The following SCCPDH variants were observed in gnomAD, a reference collection of about 807,000 sequenced individuals.
SCCPDH encodes the protein saccharopine dehydrogenase (putative).
Under a neutral mutation model 51.5 loss-of-function variants are expected in SCCPDH, and 34 were observed. That is an observed-to-expected ratio of 0.66 (90% CI 0.50 to 0.88). The LOEUF (loss-of-function observed/expected upper bound fraction) is 0.88. Among genes scored for constraint, SCCPDH ranks in the 40% least tolerant of loss-of-function variants. The pLI, the probability that SCCPDH is intolerant of heterozygous loss-of-function variation, is 0.00. For synonymous variants in SCCPDH, 187 were observed against 191.3 expected, an observed-to-expected ratio of 0.98 and a Z score of 0.19; for missense variants, 464 against 527.1, an observed-to-expected ratio of 0.88 and a Z score of 1.17.
intron 2 of SCCPDH, among the ~76,000 whole-genome samples, chr1:246,728,569 T>C (rs566480180): frequency 6.6e-6 from 1 of 152,358 alleles, no homozygotes; most frequent in South Asian, 2.1e-4. Context: ...GCAGCTCTGC[T>C]CTATTTCCCT....
chr1:246,761,572 C>T (rs756432752), intron 9 of SCCPDH, among the ~76,000 whole-genome samples: 1 of 152,174 alleles, frequency 6.6e-6, no homozygotes, highest in African/African-American at 2.4e-5. Context: ...CGCCCTCCCC[C>T]AGCCCCGGCA....
At chr1:246,746,515 C>G (rs896738384) in intron 5 of SCCPDH, among the ~76,000 whole-genome samples, 3 of 152,124 alleles carry the variant, frequency 2.0e-5, no homozygotes, top group Non-Finnish European at 4.4e-5. Flanking sequence ...GGGCATAAGA[C>G]AATATTAGGG....
chr1:246,736,155 G>A (rs989942695), intron 3 of SCCPDH, 100 bp downstream of exon 3: 13 of 728,108 alleles, frequency 1.8e-5, no homozygotes, highest in East Asian at 2.7e-5. Context: ...TTTAGAAGCC[G>A]ACAACTCCTT....
At chr1:246,764,146 T>C (rs1318416958) in intron 9 of SCCPDH, 100 bp from the exon 10 acceptor site, 12 of 674,994 alleles carry the variant, frequency 1.8e-5, no homozygotes, top group Non-Finnish European at 5.2e-6. Flanking sequence ...TGTTTTCATC[T>C]ATTGACAATG....
intron 5 of SCCPDH, among the ~76,000 whole-genome samples, chr1:246,746,185 A>G (rs996233370): frequency 5.3e-5 from 8 of 151,864 alleles, no homozygotes; most frequent in Non-Finnish European, 1.2e-4. Flanking sequence ...ATCTCCAACA[A>G]CTGAGCTCCC....
chr1:246,737,318 G>C (rs796515993), intron 3 of SCCPDH, among the ~76,000 whole-genome samples: 65 of 151,424 alleles, frequency 4.3e-4, no homozygotes, highest in African/African-American at 1.5e-3. Context: ...GACTTGAGCT[G>C]GTGAGTTAAC....
intron 5 of SCCPDH, among the ~76,000 whole-genome samples, chr1:246,752,989 G>A (rs910173117): frequency 6.7e-5 from 10 of 149,578 alleles, no homozygotes; most frequent in Non-Finnish European, 1.3e-4. Context: ...CTCTCTCTCC[G>A]CCTCTCTGTC....
intron 4 of SCCPDH, among the ~76,000 whole-genome samples, chr1:246,741,200 T>C (rs1484120730): frequency 6.6e-6 from 1 of 152,094 alleles, no homozygotes. Flanking sequence ...CCAGCATATA[T>C]TAAAAAGTTA....
At chr1:246,759,740 A>G (rs1037971845) in intron 7 of SCCPDH, among the ~76,000 whole-genome samples, 2 of 152,218 alleles carry the variant, frequency 1.3e-5, no homozygotes, top group African/African-American at 4.8e-5. Flanking sequence ...AAAGTAGACT[A>G]TCATACTTCC....
chr1:246,750,594 G>C (rs1460430794), intron 5 of SCCPDH, among the ~76,000 whole-genome samples: 2 of 152,122 alleles, frequency 1.3e-5, no homozygotes, highest in African/African-American at 2.4e-5. Context: ...TCCAGTACCT[G>C]GGCTAATTTC....
chr1:246,748,541 T>A (rs139440434), intron 5 of SCCPDH, among the ~76,000 whole-genome samples: 202 of 152,338 alleles, frequency 1.3e-3, no homozygotes, highest in African/African-American at 4.4e-3. Flanking sequence ...CCAATTGTTC[T>A]GCTATCCCTT....
rs201575646 is a variant in SCCPDH at position 246,756,705 on chromosome 1, CAG to C, written c.565-1519_565-1518del. Among the ~76,000 whole-genome samples the C allele has an allele frequency of 8.9e-3, 1,361 of 152,196 alleles. 10 individuals carry two copies. The highest frequency in any genetic ancestry group is 0.027 in the Middle Eastern group (8 of 294). ...TAGTTCTGTTGTAGTTTTAATAAAA[CAG>C]AAGAAATAAATCTGTACCAGAATGA... On this transcript the variant is annotated intron_variant, in intron 5 of 11. Coordinates refer to ENST00000366510, the MANE Select transcript of SCCPDH (RefSeq NM_016002.3).
chr1:246,756,652 T>C (rs1462612076), intron 5 of SCCPDH, among the ~76,000 whole-genome samples: 4 of 152,194 alleles, frequency 2.6e-5, no homozygotes, highest in Non-Finnish European at 4.4e-5. Context: ...TCAGATTGAG[T>C]AGATAACAAA....
chr1:246,758,753 T>C (rs1356648366), intron 6 of SCCPDH, among the ~76,000 whole-genome samples: 1 of 152,220 alleles, frequency 6.6e-6, no homozygotes, highest in East Asian at 1.9e-4. Context: ...TTTAGTTTTA[T>C]ACTGCAGGAC....
At chr1:246,764,538 A>T (rs746943104) in intron 10 of SCCPDH, among the ~76,000 whole-genome samples, 181 bp downstream of exon 10, 3 of 152,254 alleles carry the variant, frequency 2.0e-5, no homozygotes, top group Non-Finnish European at 4.4e-5. Flanking sequence ...ATCCAATTTT[A>T]TTAGTGCATC....
Position 246,766,097 on chromosome 1 carries a change from C to T in SCCPDH, c.1142C>T (p.Ala381Val), listed in dbSNP as rs748948934. ...YVATPIAMVQ[A>V]AMTLLSDASH... ...GCTACCCCCATAGCTATGGTTCAGG[C>T]AGCCATGACTCTTCTAAGTGATGCT... The change falls in exon 11 of 12, where the codon GCA becomes GTA. Residue 381 changes from alanine to valine, a missense_variant. Ala to Val is a moderately conservative substitution (Grantham distance 64). Coordinates refer to ENST00000366510, the MANE Select transcript of SCCPDH (RefSeq NM_016002.3). 7.4e-6 allele frequency: 12 copies of T among 1,613,424 alleles called. No homozygotes were observed. Among genetic ancestry groups the T allele is most frequent in the Admixed American group, 1.7e-5 (1 of 59,920 alleles).
chr1:246,726,850 C>T (rs749658090), intron 1 of SCCPDH, 42 bp from the exon 2 acceptor site: 5 of 1,361,022 alleles, frequency 3.7e-6, no homozygotes, highest in South Asian at 2.4e-5. Flanking sequence ...AGATATAATC[C>T]TCTACTGGGA....
At chr1:246,742,136 G>A (rs1668691088) in intron 4 of SCCPDH, among the ~76,000 whole-genome samples, 1 of 152,158 alleles carries the variant, frequency 6.6e-6, no homozygotes, top group Non-Finnish European at 1.5e-5. Context: ...CTTAATGAAT[G>A]GTGAAACACT....
intron 3 of SCCPDH, among the ~76,000 whole-genome samples, chr1:246,738,739 GC>G (rs1668635804): frequency 1.3e-5 from 2 of 152,176 alleles, no homozygotes; most frequent in South Asian, 4.1e-4. Flanking sequence ...TGTAAACCCA[GC>G]TACTCGGGAA....
Sources: allele counts gnomAD v4.1 joint callset (sites outside exome capture counted in the v4.1 genomes callset), GRCh38; gene constraint gnomAD v4.1.1; transcripts MANE v1.5; gene names NCBI Gene and HGNC (gene_info 2026-07-23, HGNC 2026-07-21).